The following DAB1 variants were observed in gnomAD, a reference collection of about 807,000 sequenced individuals.
DAB1 encodes the protein DAB adaptor protein 1.
A neutral mutation model predicts 64.6 loss-of-function variants in DAB1; 15 were observed. That is an observed-to-expected ratio of 0.23 (90% CI 0.16 to 0.36). The LOEUF (loss-of-function observed/expected upper bound fraction) is 0.36, where lower values mean the gene tolerates loss of function less well. DAB1 is among the 10% of genes least tolerant of loss of function. The probability of loss-of-function intolerance (pLI) is 1.00; values close to 1 mark genes in which losing one functional copy is unlikely to be tolerated. For missense variants in DAB1, 596 were observed against 706.7 expected, an observed-to-expected ratio of 0.84 and a Z score of 1.78; for synonymous variants, 235 against 251.9, an observed-to-expected ratio of 0.93 and a Z score of 0.64.
intron 5 of DAB1, among the ~76,000 whole-genome samples, chr1:57,996,967 C>T (rs191902998): frequency 6.6e-6 from 1 of 152,182 alleles, no homozygotes; most frequent in East Asian, 1.9e-4. Flanking sequence ...GATCCGCCTC[C>T]ACCCCACTGC....
chr1:58,334,283 A>T (rs991983811), intron 4 of DAB1, among the ~76,000 whole-genome samples: 1 of 152,188 alleles, frequency 6.6e-6, no homozygotes, highest in Non-Finnish European at 1.5e-5. Flanking sequence ...GTTGGGTTGC[A>T]ATATTAAATA....
intron 5 of DAB1, among the ~76,000 whole-genome samples, chr1:58,124,217 CAT>C (rs200976955): frequency 2.0e-5 from 3 of 150,930 alleles, no homozygotes; most frequent in Admixed American, 6.6e-5. Flanking sequence ...TACACACACA[CAT>C]ATATATATAT....
chr1:57,122,496 G>A (rs1224529872), intron 4 of DAB1, among the ~76,000 whole-genome samples: 1 of 152,148 alleles, frequency 6.6e-6, no homozygotes, highest in African/African-American at 2.4e-5. Flanking sequence ...GATTTGTTCA[G>A]AAAATACTCT....
chr1:57,691,925 T>C (rs1004848790), intron 6 of DAB1, among the ~76,000 whole-genome samples: 2 of 152,092 alleles, frequency 1.3e-5, no homozygotes, highest in African/African-American at 4.8e-5. Flanking sequence ...GCTGCCGGAC[T>C]AAAGACATGG....
intron 5 of DAB1, among the ~76,000 whole-genome samples, chr1:58,056,782 C>T (rs11577017): frequency 0.21 from 31,508 of 151,248 alleles, 3,580 homozygotes; most frequent in Admixed American, 0.24. Flanking sequence ...GTATTCACTC[C>T]GTTGGCTTCC....
intron 4 of DAB1, among the ~76,000 whole-genome samples, chr1:58,295,027 G>A (rs566371577): frequency 2.6e-5 from 4 of 152,170 alleles, no homozygotes; most frequent in South Asian, 2.1e-4. Context: ...TATGGGGAAC[G>A]CTGTATGCTC....
rs149288636 is a variant in DAB1, at chr1:58,217,789, T to C, written n.310-67201A>G. Among the ~76,000 whole-genome samples, 959 of 152,286 alleles carry C rather than the reference T, an allele frequency of 6.3e-3. 7 individuals carry two copies. Among genetic ancestry groups the C allele is most frequent in the Non-Finnish European group, 8.8e-3 (599 of 68,024 alleles). On this transcript the variant is annotated intron_variant and non_coding_transcript_variant, in intron 4 of 20. Transcript: ENST00000485760. ...TATGCTTATTATGTAGCATGCACTT[T>C]TTAAGCACTTCATGCACATTCCCCA...
chr1:57,407,573 T>C (rs1278213303), intron 1 of DAB1, among the ~76,000 whole-genome samples: 2 of 152,224 alleles, frequency 1.3e-5, no homozygotes, highest in African/African-American at 4.8e-5. Context: ...CATGTGTTAC[T>C]TCTTTGTGTT....
intron 2 of DAB1, among the ~76,000 whole-genome samples, chr1:57,263,005 T>C (rs1169710778): frequency 2.0e-5 from 3 of 152,256 alleles, no homozygotes; most frequent in Middle Eastern, 3.4e-3. Context: ...CTCAAGGAGC[T>C]CATGGACGTG....
chr1:58,005,592 G>GT (rs1040157346), intron 5 of DAB1, among the ~76,000 whole-genome samples: 1 of 138,456 alleles, frequency 7.2e-6, no homozygotes, highest in Non-Finnish European at 1.5e-5. Flanking sequence ...GAGGGGCTCT[G>GT]TGCGCCTGCC....
chr1:57,259,017 A>G (rs1355784442), intron 2 of DAB1, among the ~76,000 whole-genome samples: 1 of 152,192 alleles, frequency 6.6e-6, no homozygotes, highest in Non-Finnish European at 1.5e-5. Flanking sequence ...GATTTTTGTG[A>G]GGATTAATGA....
intron 2 of DAB1, among the ~76,000 whole-genome samples, chr1:57,172,566 A>G (rs1489240364): frequency 6.6e-6 from 1 of 152,188 alleles, no homozygotes; most frequent in African/African-American, 2.4e-5. Flanking sequence ...TGAAGCATAG[A>G]CAGCATCTGT....
intron 3 of DAB1, among the ~76,000 whole-genome samples, chr1:58,407,510 G>C (rs910255306): frequency 6.6e-6 from 1 of 152,144 alleles, no homozygotes; most frequent in Non-Finnish European, 1.5e-5. Context: ...AAATATTTTC[G>C]GGTGTCACAC....
chr1:58,360,764 T>C (rs1489353120), intron 3 of DAB1, among the ~76,000 whole-genome samples: 2 of 152,184 alleles, frequency 1.3e-5, no homozygotes, highest in African/African-American at 4.8e-5. Context: ...TTAGAACCTA[T>C]AGTAACTTAT....
intron 1 of DAB1, among the ~76,000 whole-genome samples, chr1:57,835,555 C>A (rs1013037862): frequency 6.6e-6 from 1 of 152,082 alleles, no homozygotes; most frequent in Non-Finnish European, 1.5e-5. Context: ...CCAAGGTCAC[C>A]CAGCAAGTTG....
chr1:57,114,284 T>A (rs1273024799), intron 4 of DAB1, among the ~76,000 whole-genome samples: 1 of 152,168 alleles, frequency 6.6e-6, no homozygotes, highest in African/African-American at 2.4e-5. Flanking sequence ...TCAGAATTTT[T>A]AAGGAAAGAA....
At chr1:57,082,005 C>T (rs1044074453) in intron 4 of DAB1, among the ~76,000 whole-genome samples, 1 of 152,146 alleles carries the variant, frequency 6.6e-6, no homozygotes, top group African/African-American at 2.4e-5. Flanking sequence ...ATACTCCTAG[C>T]ACTGTTCACC....
intron 5 of DAB1, among the ~76,000 whole-genome samples, chr1:58,141,659 G>A (rs1654293598): frequency 6.6e-6 from 1 of 152,072 alleles, no homozygotes; most frequent in African/African-American, 2.4e-5. Context: ...CTCCAACATT[G>A]GGGATTACAT....
At chr1:58,400,855 T>C (rs1644563197) in intron 3 of DAB1, among the ~76,000 whole-genome samples, 1 of 152,214 alleles carries the variant, frequency 6.6e-6, no homozygotes, top group South Asian at 2.1e-4. Context: ...ATTACGCATT[T>C]TGATATTAAA....
Sources: allele counts gnomAD v4.1 joint callset (sites outside exome capture counted in the v4.1 genomes callset), GRCh38; gene constraint gnomAD v4.1.1; transcripts MANE v1.5; gene names NCBI Gene and HGNC (gene_info 2026-07-23, HGNC 2026-07-21).